DLG2: variants seen among roughly 807,000 people sequenced by gnomAD.
DLG2 encodes the protein discs large MAGUK scaffold protein 2, also known as disks large homolog 2.
In DLG2, 45 loss-of-function variants were observed where a neutral mutation model predicts 132.5. That is an observed-to-expected ratio of 0.34 (90% CI 0.27 to 0.44). DLG2 has a LOEUF of 0.44. DLG2 is among the 20% of genes least tolerant of loss of function. The probability of loss-of-function intolerance (pLI) is 1.00; values close to 1 mark genes in which losing one functional copy is unlikely to be tolerated. For missense variants in DLG2, 1,045 were observed against 1,196.9 expected, an observed-to-expected ratio of 0.87 and a Z score of 1.87; for synonymous variants, 424 against 419.6, an observed-to-expected ratio of 1.01 and a Z score of -0.13.
intron 27 of DLG2, among the ~76,000 whole-genome samples, chr11:83,460,264 G>T (rs1414742393): frequency 6.6e-6 from 1 of 152,178 alleles, no homozygotes; most frequent in Non-Finnish European, 1.5e-5. Context: ...GCTGGGCAAT[G>T]ATCAATTTTC....
chr11:84,026,595 C>T (rs1323064581), intron 11 of DLG2, among the ~76,000 whole-genome samples: 2 of 130,700 alleles, frequency 1.5e-5, no homozygotes, highest in African/African-American at 5.0e-5. Context: ...ATCACCTTTA[C>T]AGTTCCACAC....
intron 6 of DLG2, among the ~76,000 whole-genome samples, chr11:84,699,354 G>A (rs1419789020): frequency 2.6e-5 from 4 of 151,490 alleles, no homozygotes; most frequent in African/African-American, 9.7e-5. Context: ...CTGATGCACA[G>A]GCTAAATATA....
chr11:84,702,525 C>T (rs2059322165), intron 6 of DLG2, among the ~76,000 whole-genome samples: 2 of 151,634 alleles, frequency 1.3e-5, no homozygotes, highest in African/African-American at 4.8e-5. Context: ...TTTGTTTTCC[C>T]CTTCCTTACA....
Position 83,460,107 on chromosome 11 carries a change from A to C in DLG2, c.2822-183T>G, listed in dbSNP as rs989750051. The stretch of plus-strand genomic sequence containing the variant: ...AAGCAAAGTTACATTCATGATTTTA[A>C]GAAATGCTTTCAATGGATATCCTGG... On this transcript the variant is annotated intron_variant, in intron 27 of 27. Transcript: ENST00000376104. Among the ~76,000 whole-genome samples the C allele has an allele frequency of 1.3e-4, 20 of 152,272 alleles. 1 individual carries two copies. Among genetic ancestry groups the C allele is most frequent in the Admixed American group, 1.2e-3 (19 of 15,286 alleles).
At chr11:85,428,008 C>A (rs2090895568) in intron 3 of DLG2, among the ~76,000 whole-genome samples, 1 of 152,042 alleles carries the variant, frequency 6.6e-6, no homozygotes, top group Non-Finnish European at 1.5e-5. Context: ...TTTAAACCAA[C>A]AAAGATCAAA....
chr11:85,432,616 A>G, intron 3 of DLG2, among the ~76,000 whole-genome samples: 1 of 152,102 alleles, frequency 6.6e-6, no homozygotes, highest in East Asian at 1.9e-4. Flanking sequence ...AGGCAAGACT[A>G]GAGAAAAAAC....
At chr11:83,662,601 G>A (rs1180912594) in intron 18 of DLG2, among the ~76,000 whole-genome samples, 1 of 152,154 alleles carries the variant, frequency 6.6e-6, no homozygotes, top group Non-Finnish European at 1.5e-5. Flanking sequence ...GAGAATATTT[G>A]TCTCTTCTAT....
chr11:84,392,514 G>T (rs769341873), intron 7 of DLG2, among the ~76,000 whole-genome samples: 1 of 152,136 alleles, frequency 6.6e-6, no homozygotes, highest in Non-Finnish European at 1.5e-5. Context: ...TCATACTTAC[G>T]ATGTTCAAGG....
At chr11:84,585,483 T>C (rs1193388863) in intron 6 of DLG2, among the ~76,000 whole-genome samples, 1 of 152,200 alleles carries the variant, frequency 6.6e-6, no homozygotes, top group Non-Finnish European at 1.5e-5. Context: ...TTATCATAGG[T>C]ATTCCTTACC....
chr11:83,762,547 A>ACAAT (rs200748535), intron 18 of DLG2, among the ~76,000 whole-genome samples: 1,686 of 152,210 alleles, frequency 0.011, 28 homozygotes, highest in African/African-American at 0.037. Context: ...CATGATAAGG[A>ACAAT]CAATGGCAAA....
At chr11:84,420,331 C>T (rs148171430) in intron 7 of DLG2, among the ~76,000 whole-genome samples, 1 of 152,252 alleles carries the variant, frequency 6.6e-6, no homozygotes, top group Non-Finnish European at 1.5e-5. Flanking sequence ...AGAGACAAGT[C>T]CCTTTCTTCC....
intron 6 of DLG2, among the ~76,000 whole-genome samples, chr11:84,804,027 A>G (rs1281496663): frequency 2.6e-5 from 4 of 152,212 alleles, no homozygotes. Context: ...TTAAAAATGC[A>G]TTTTACTATG....
In DLG2 at chr11:84,663,783, A is replaced by G. The variant is rs1416698483; in HGVS notation, c.358-129052T>C. Among the ~76,000 whole-genome samples, 4 of 152,220 alleles carry G rather than the reference A, an allele frequency of 2.6e-5. No homozygotes were observed. In the South Asian group the frequency reaches 6.2e-4, roughly 24 times the overall value. On this transcript the variant is annotated intron_variant, in intron 6 of 27. Coordinates refer to ENST00000376104, the MANE Select transcript of DLG2 (RefSeq NM_001142699.3). ...GACCCTGAGGTTCTGTCATCCTTAT[A>G]TCCAAGTTCCCATATCTAATTCTTA...
chr11:84,833,625 A>G (rs75074569), intron 6 of DLG2, among the ~76,000 whole-genome samples: 12 of 147,972 alleles, frequency 8.1e-5, no homozygotes, highest in African/African-American at 3.0e-4. Context: ...CAGGGTGATG[A>G]AAAAAAAAAG....
At chr11:85,059,474 A>G (rs572199832) in intron 6 of DLG2, among the ~76,000 whole-genome samples, 2 of 151,810 alleles carry the variant, frequency 1.3e-5, no homozygotes, top group South Asian at 4.1e-4. Context: ...AGATTTAGTC[A>G]TAATAGCCTG....
intron 7 of DLG2, among the ~76,000 whole-genome samples, chr11:84,292,531 T>C (rs116722315): frequency 5.3e-5 from 8 of 152,288 alleles, no homozygotes; most frequent in African/African-American, 1.9e-4. Context: ...AGGGGTATGT[T>C]AGCAAGCCCT....
chr11:84,578,439 A>G (rs1356589955), intron 6 of DLG2, among the ~76,000 whole-genome samples: 1 of 152,156 alleles, frequency 6.6e-6, no homozygotes, highest in Non-Finnish European at 1.5e-5. Flanking sequence ...GAGCATGGGA[A>G]CCCATCTCTT....
intron 6 of DLG2, among the ~76,000 whole-genome samples, chr11:85,033,896 T>C (rs1447042395): frequency 6.6e-6 from 1 of 152,126 alleles, no homozygotes; most frequent in Non-Finnish European, 1.5e-5. Context: ...GTGAAAGAAT[T>C]TTTGTTAAAA....
intron 6 of DLG2, among the ~76,000 whole-genome samples, chr11:84,724,933 A>G (rs1264061864): frequency 6.6e-6 from 1 of 152,150 alleles, no homozygotes; most frequent in Non-Finnish European, 1.5e-5. Context: ...AAAATGATCA[A>G]TGGCTGAATA....
Sources: gnomAD v4.1 joint callset for allele counts (sites outside exome capture counted in the v4.1 genomes callset) on GRCh38, gnomAD v4.1.1 for gene constraint, MANE v1.5 for transcripts, NCBI Gene and HGNC (gene_info 2026-07-23, HGNC 2026-07-21) for gene names.